EEFSEC: variants seen among roughly 807,000 people sequenced by gnomAD.
The protein encoded by EEFSEC is selenocysteine-specific elongation factor.
A neutral mutation model predicts 42.1 loss-of-function variants in EEFSEC; 43 were observed. That is an observed-to-expected ratio of 1.02 (90% CI 0.80 to 1.32). The LOEUF (loss-of-function observed/expected upper bound fraction) is 1.32, where lower values mean the gene tolerates loss of function less well. EEFSEC is among the 40% of genes most tolerant of loss of function. The pLI, the probability that EEFSEC is intolerant of heterozygous loss-of-function variation, is 0.00. For missense variants in EEFSEC, 745 were observed against 803.6 expected (o/e 0.93, Z 0.88); for synonymous variants, 354 against 339.1 (o/e 1.04, Z -0.48).
At chr3:128,238,536 C>G (rs374233297) in intron 1 of EEFSEC, among the ~76,000 whole-genome samples, 4 of 152,272 alleles carry the variant, frequency 2.6e-5, no homozygotes, top group African/African-American at 7.2e-5. Context: ...TTTCTTTGAG[C>G]TTGCTCTGTC....
chr3:128,379,116 C>T (rs534966174), intron 6 of EEFSEC, among the ~76,000 whole-genome samples: 11 of 152,332 alleles, frequency 7.2e-5, no homozygotes, highest in South Asian at 2.1e-4. Flanking sequence ...TCTGTAGGGA[C>T]GGCAGCTCTG....
chr3:128,359,796 C>A (rs2067502349), intron 6 of EEFSEC, among the ~76,000 whole-genome samples: 1 of 152,120 alleles, frequency 6.6e-6, no homozygotes, highest in African/African-American at 2.4e-5. Flanking sequence ...AGGGGAACAA[C>A]CAAGGTTGGT....
At chr3:128,165,841 G>A (rs1432345440) in intron 1 of EEFSEC, among the ~76,000 whole-genome samples, 1 of 152,218 alleles carries the variant, frequency 6.6e-6, no homozygotes, top group Non-Finnish European at 1.5e-5. Flanking sequence ...TATTTGGGTT[G>A]CTTAGAGCTC....
At chr3:128,260,937 T>A (rs1337859654) in intron 2 of EEFSEC, among the ~76,000 whole-genome samples, 1 of 147,242 alleles carries the variant, frequency 6.8e-6, no homozygotes, top group East Asian at 2.0e-4. Context: ...CTTAGATGTG[T>A]ACCCCACGAA....
chr3:128,405,990 C>T (rs899504713), intron 6 of EEFSEC, among the ~76,000 whole-genome samples: 1 of 152,262 alleles, frequency 6.6e-6, no homozygotes, highest in African/African-American at 2.4e-5. Context: ...CAGGAGCCAC[C>T]ACCCACTGGG....
chr3:128,257,240 A>G (rs925361284), intron 2 of EEFSEC, among the ~76,000 whole-genome samples: 3 of 152,132 alleles, frequency 2.0e-5, no homozygotes, highest in Admixed American at 1.3e-4. Context: ...CGGTTTTCTC[A>G]GTGTTGTGGA....
intron 6 of EEFSEC, chr3:128,362,172 C>A: frequency 1.9e-6 from 1 of 514,406 alleles, no homozygotes; most frequent in Non-Finnish European, 4.0e-6. Flanking sequence ...CCGTCTGTCC[C>A]ACCGCTGCCA....
At chr3:128,412,643 AC>A (rs1027635131), downstream of EEFSEC, among the ~76,000 whole-genome samples, 1 of 152,066 alleles carries the variant, frequency 6.6e-6, no homozygotes, top group Non-Finnish European at 1.5e-5. Context: ...ATAGCTCCAG[AC>A]CCCCCAGCCC....
chr3:128,368,932 C>T (rs2067622243), intron 6 of EEFSEC, among the ~76,000 whole-genome samples: 1 of 152,246 alleles, frequency 6.6e-6, no homozygotes, highest in African/African-American at 2.4e-5. Context: ...GGTGGCATTA[C>T]CACTTCCAAT....
chr3:128,268,770 G>A (rs534568285), intron 4 of EEFSEC, among the ~76,000 whole-genome samples: 7 of 152,286 alleles, frequency 4.6e-5, no homozygotes, highest in Non-Finnish European at 7.3e-5. Context: ...CAGGAGAGAG[G>A]CATGGAGATG....
At chr3:128,165,253 C>G (rs1395173276) in intron 1 of EEFSEC, among the ~76,000 whole-genome samples, 2 of 152,220 alleles carry the variant, frequency 1.3e-5, no homozygotes. Flanking sequence ...GTGCCAGGCT[C>G]TGTTTCAGAG....
chr3:128,183,352 C>G (rs930972569), intron 1 of EEFSEC, among the ~76,000 whole-genome samples: 2 of 152,198 alleles, frequency 1.3e-5, no homozygotes, highest in South Asian at 4.1e-4. Context: ...TTGACCCCAA[C>G]CTGTTGGGCT....
chr3:128,390,483 A>G (rs2107623281), intron 6 of EEFSEC, among the ~76,000 whole-genome samples: 1 of 152,344 alleles, frequency 6.6e-6, no homozygotes, highest in African/African-American at 2.4e-5. Flanking sequence ...GATGTGAATC[A>G]CCTTCGCCAA....
chr3:128,195,575 GGGGAA>G (rs2065575758), intron 1 of EEFSEC, among the ~76,000 whole-genome samples: 2 of 152,172 alleles, frequency 1.3e-5, no homozygotes, highest in Non-Finnish European at 2.9e-5. Context: ...GACAGACACA[GGGGAA>G]TCCAGGCTCT....
intron 4 of EEFSEC, among the ~76,000 whole-genome samples, chr3:128,336,681 C>T (rs946871482): frequency 6.6e-6 from 1 of 152,210 alleles, no homozygotes; most frequent in Non-Finnish European, 1.5e-5. Context: ...AATGCCACCT[C>T]CTCAGGGAAG....
chr3:128,340,501 A>C (rs2067238647), intron 4 of EEFSEC, among the ~76,000 whole-genome samples: 1 of 152,064 alleles, frequency 6.6e-6, no homozygotes, highest in Admixed American at 6.6e-5. Context: ...TCAAGATATT[A>C]AGCTCTTTGG....
At chr3:128,411,704 A>G (rs1394249414), downstream of EEFSEC, among the ~76,000 whole-genome samples, 1 of 152,168 alleles carries the variant, frequency 6.6e-6, no homozygotes. Flanking sequence ...ACGAAGAGAT[A>G]AGGCTTATCT....
At chr3:128,275,043 C>T (rs1559897447) in intron 4 of EEFSEC, among the ~76,000 whole-genome samples, 1 of 152,148 alleles carries the variant, frequency 6.6e-6, no homozygotes, top group African/African-American at 2.4e-5. Context: ...CTGTAGGCCT[C>T]TGGGGGTGCA....
At position 128,279,236 on chromosome 3, in the gene EEFSEC, G is replaced by A. The variant is rs117405545; in HGVS notation, c.786+14455G>A. The stretch of plus-strand genomic sequence containing the variant: ...GTGCAGACAGGCAGGAAGGCAGCTC[G>A]GGCTGTGCGGCCACTTAACCCTTCC... On this transcript the variant is annotated intron_variant, in intron 4 of 6. Transcript: ENST00000254730. Among the ~76,000 whole-genome samples, 31 of 152,308 alleles carry A rather than the reference G, an allele frequency of 2.0e-4. No individual in the cohort carries two copies. In the East Asian group the frequency reaches 4.1e-3, roughly 20 times the overall value.
Sources: gnomAD v4.1 joint callset for allele counts (sites outside exome capture counted in the v4.1 genomes callset) on GRCh38, gnomAD v4.1.1 for gene constraint, MANE v1.5 for transcripts, NCBI Gene and HGNC (gene_info 2026-07-23, HGNC 2026-07-21) for gene names.